ST6GALNAC3: variants seen among roughly 807,000 people sequenced by gnomAD.
ST6GALNAC3 encodes alpha-N-acetylgalactosaminide alpha-2,6-sialyltransferase 3.
A neutral mutation model predicts 32.7 loss-of-function variants in ST6GALNAC3; 25 were observed. The observed-to-expected ratio is 0.76, with a 90% CI of 0.56 to 1.07. The LOEUF is 1.07. Ranked by LOEUF, ST6GALNAC3 falls within the 50% of genes least tolerant of loss-of-function variation. The pLI is 0.00. For missense variants in ST6GALNAC3, 355 were observed against 382.4 expected (o/e 0.93, Z 0.60); for synonymous variants, 129 against 133.1 (o/e 0.97, Z 0.21).
intron 1 of ST6GALNAC3, among the ~76,000 whole-genome samples, chr1:76,129,947 C>T (rs1302907189): frequency 1.3e-5 from 2 of 152,136 alleles, no homozygotes; most frequent in African/African-American, 4.8e-5. Context: ...GGGAATTGCA[C>T]TGCATTCTTG....
At chr1:76,301,088 T>A (rs1272410732) in intron 1 of ST6GALNAC3, among the ~76,000 whole-genome samples, 2 of 152,086 alleles carry the variant, frequency 1.3e-5, no homozygotes, top group Non-Finnish European at 2.9e-5. Flanking sequence ...TTAATTTTCA[T>A]AATGACCCTT....
At chr1:76,614,810 T>C (rs1648188105) in intron 3 of ST6GALNAC3, among the ~76,000 whole-genome samples, 2 of 149,876 alleles carry the variant, frequency 1.3e-5, no homozygotes, top group African/African-American at 5.0e-5. Flanking sequence ...CAGAATCTAT[T>C]ACCGGTAGCA....
intron 2 of ST6GALNAC3, among the ~76,000 whole-genome samples, chr1:76,391,826 T>C (rs1557847980): frequency 6.6e-6 from 1 of 152,222 alleles, no homozygotes; most frequent in Non-Finnish European, 1.5e-5. Context: ...AAATTAGAGC[T>C]TGACCTACAT....
At chr1:76,112,707 G>T (rs1331033929) in intron 1 of ST6GALNAC3, among the ~76,000 whole-genome samples, 3 of 151,244 alleles carry the variant, frequency 2.0e-5, no homozygotes, top group Non-Finnish European at 4.4e-5. Context: ...CAGACGGGGC[G>T]GCCGGGCAGA....
chr1:76,372,558 C>T (rs960087415), intron 2 of ST6GALNAC3, among the ~76,000 whole-genome samples: 2 of 152,002 alleles, frequency 1.3e-5, no homozygotes, highest in South Asian at 4.1e-4. Context: ...TTTCCATATA[C>T]CCAGAATTAA....
At chr1:76,506,620 C>T (rs1326608930) in intron 3 of ST6GALNAC3, among the ~76,000 whole-genome samples, 1 of 152,162 alleles carries the variant, frequency 6.6e-6, no homozygotes, top group Non-Finnish European at 1.5e-5. Flanking sequence ...GCTTTTCTTT[C>T]CAAGACACAT....
At chr1:76,566,021 A>G (rs1340710548) in intron 3 of ST6GALNAC3, among the ~76,000 whole-genome samples, 1 of 152,214 alleles carries the variant, frequency 6.6e-6, no homozygotes, top group African/African-American at 2.4e-5. Flanking sequence ...CGAGTCGGTA[A>G]ACTACATATT....
chr1:76,077,836 A>T (rs1646837605), intron 1 of ST6GALNAC3, among the ~76,000 whole-genome samples: 1 of 152,222 alleles, frequency 6.6e-6, no homozygotes, highest in Admixed American at 6.5e-5. Context: ...AATAATCAAT[A>T]TGCCAAAGTG....
chr1:76,395,573 C>T (rs1032630855), intron 2 of ST6GALNAC3, among the ~76,000 whole-genome samples: 11 of 151,840 alleles, frequency 7.2e-5, no homozygotes, highest in African/African-American at 1.9e-4. Flanking sequence ...ATAAAGAAAA[C>T]GTTACACACA....
At chr1:76,347,641 T>A (rs1262655768) in intron 2 of ST6GALNAC3, among the ~76,000 whole-genome samples, 1 of 152,152 alleles carries the variant, frequency 6.6e-6, no homozygotes, top group African/African-American at 2.4e-5. Flanking sequence ...CTGATGATAT[T>A]GACTCCTTAT....
At chr1:76,466,506 C>T (rs761849711) in intron 3 of ST6GALNAC3, among the ~76,000 whole-genome samples, 3 of 152,128 alleles carry the variant, frequency 2.0e-5, no homozygotes, top group Non-Finnish European at 4.4e-5. Flanking sequence ...ACTGCTGCTA[C>T]AATGTTGGTG....
intron 1 of ST6GALNAC3, among the ~76,000 whole-genome samples, chr1:76,236,875 G>A (rs918975304): frequency 6.6e-5 from 10 of 152,184 alleles, no homozygotes; most frequent in African/African-American, 2.4e-4. Flanking sequence ...ACAGATAAAA[G>A]ATAGTCATTT....
intron 3 of ST6GALNAC3, among the ~76,000 whole-genome samples, chr1:76,522,229 G>A (rs887628193): frequency 6.6e-6 from 1 of 151,356 alleles, no homozygotes; most frequent in Non-Finnish European, 1.5e-5. Context: ...TTTTACTTCT[G>A]TATTTTTTAA....
intron 3 of ST6GALNAC3, among the ~76,000 whole-genome samples, chr1:76,465,997 AC>A (rs1642249199): frequency 6.6e-6 from 1 of 152,134 alleles, no homozygotes; most frequent in Non-Finnish European, 1.5e-5. Flanking sequence ...TCAGCATTCT[AC>A]AAGGACCATT....
chr1:76,390,099 G>A (rs1194671357), intron 2 of ST6GALNAC3, among the ~76,000 whole-genome samples: 1 of 151,952 alleles, frequency 6.6e-6, no homozygotes, highest in Non-Finnish European at 1.5e-5. Context: ...ATTTCCCCAT[G>A]CTCATTTAGT....
chr1:76,616,683 T>C (rs1648313583), intron 3 of ST6GALNAC3, among the ~76,000 whole-genome samples: 2 of 152,218 alleles, frequency 1.3e-5, no homozygotes, highest in Admixed American at 6.5e-5. Flanking sequence ...CAGATCCATA[T>C]GTCAGTTGTT....
intron 1 of ST6GALNAC3, among the ~76,000 whole-genome samples, chr1:76,230,965 C>T (rs2631785): frequency 0.027 from 4,115 of 152,324 alleles, 147 homozygotes; most frequent in African/African-American, 0.076. Flanking sequence ...AATTTGCTGT[C>T]TGCCCCACCT....
Position 76,630,704 on chromosome 1 carries a change from C to T in ST6GALNAC3, c.*1898C>T, listed in dbSNP as rs2100738978. 3.0e-6 allele frequency: 3 copies of T among 985,588 alleles called. No homozygotes were observed. Among genetic ancestry groups the T allele is most frequent in the South Asian group, 9.4e-5 (2 of 21,282 alleles). The allele number at this position is 985,588 out of a possible 1,614,324, so 61.1% of individuals were successfully genotyped here. On this transcript the variant is annotated 3_prime_UTR_variant, in exon 5 of 5. Coordinates refer to ENST00000328299, the MANE Select transcript of ST6GALNAC3 (RefSeq NM_152996.4). ...TGCCTACTCTCTTCTGCAATTTTGA[C>T]ACCTCAATATTCACACCCATAAACA...
intron 3 of ST6GALNAC3, among the ~76,000 whole-genome samples, chr1:76,472,906 G>C (rs116473787): frequency 0.016 from 2,500 of 152,110 alleles, 73 homozygotes; most frequent in African/African-American, 0.054. Flanking sequence ...AGTGGCTCTC[G>C]GAGAGTGACA....
Sources: gnomAD v4.1 joint callset for allele counts (sites outside exome capture counted in the v4.1 genomes callset) on GRCh38, gnomAD v4.1.1 for gene constraint, MANE v1.5 for transcripts, NCBI Gene and HGNC (gene_info 2026-07-23, HGNC 2026-07-21) for gene names.